KIF5C: variants seen among roughly 807,000 people sequenced by gnomAD.
KIF5C encodes kinesin family member 5C, also known as kinesin heavy chain isoform 5C.
In KIF5C, 18 loss-of-function variants were observed where a neutral mutation model predicts 125.2. That is an observed-to-expected ratio of 0.14 (90% CI 0.10 to 0.21). The LOEUF is 0.21. Among genes scored for constraint, KIF5C ranks in the 10% least tolerant of loss-of-function variants. KIF5C has a pLI of 1.00. For missense variants in KIF5C, 780 were observed against 1,183.8 expected, an observed-to-expected ratio of 0.66 and a Z score of 5.01; for synonymous variants, 405 against 434.0, an observed-to-expected ratio of 0.93 and a Z score of 0.83.
intron 8 of KIF5C, 33 bp from the exon 9 acceptor site, chr2:148,949,806 G>A (rs764497103): frequency 8.1e-6 from 13 of 1,610,412 alleles, no homozygotes; most frequent in Non-Finnish European, 1.1e-5. Flanking sequence ...CTGCCGTCCT[G>A]TGCTGCTCAC....
intron 1 of KIF5C, among the ~76,000 whole-genome samples, chr2:148,900,473 A>G (rs1393082222): frequency 6.6e-6 from 1 of 152,204 alleles, no homozygotes; most frequent in East Asian, 1.9e-4. Context: ...GAGTGCAGAC[A>G]GTCAGCTGAC....
intron 10 of KIF5C, among the ~76,000 whole-genome samples, chr2:148,955,220 G>A (rs924704710): frequency 2.0e-5 from 3 of 152,188 alleles, no homozygotes; most frequent in Non-Finnish European, 2.9e-5. Flanking sequence ...AGAGCAGATT[G>A]GAAGGTTAGT....
intron 10 of KIF5C, among the ~76,000 whole-genome samples, chr2:148,957,272 A>G (rs567921688): frequency 1.3e-5 from 2 of 152,234 alleles, no homozygotes; most frequent in African/African-American, 2.4e-5. Flanking sequence ...ACAGCAGAAC[A>G]CTGTGTAACC....
At chr2:148,906,091 T>C (rs1681095450) in intron 1 of KIF5C, among the ~76,000 whole-genome samples, 2 of 152,042 alleles carry the variant, frequency 1.3e-5, no homozygotes, top group Admixed American at 1.3e-4. Flanking sequence ...TCAGATGGGT[T>C]TACCTAGGAG....
At chr2:148,890,714 A>T (rs1681684246) in intron 1 of KIF5C, among the ~76,000 whole-genome samples, 1 of 152,176 alleles carries the variant, frequency 6.6e-6, no homozygotes, top group East Asian at 1.9e-4. Flanking sequence ...AAATACTCCC[A>T]TGAGACATTT....
At chr2:148,975,765 A>G (rs1187844603) in intron 12 of KIF5C, among the ~76,000 whole-genome samples, 1 of 152,228 alleles carries the variant, frequency 6.6e-6, no homozygotes, top group African/African-American at 2.4e-5. Context: ...ACCTGGGCAG[A>G]CCTGTGACAA....
At chr2:148,883,841 A>G (rs1035764791) in intron 1 of KIF5C, 24 of 152,192 alleles carry the variant, frequency 1.6e-4, no homozygotes, top group African/African-American at 5.8e-4. Flanking sequence ...AGTAGTCCAC[A>G]TACCTCCTTG....
intron 1 of KIF5C, among the ~76,000 whole-genome samples, chr2:148,882,815 C>T (rs997114380): frequency 6.6e-6 from 1 of 152,174 alleles, no homozygotes; most frequent in African/African-American, 2.4e-5. Context: ...TTTGCCCTTC[C>T]CCAGTAGAGC....
rs1197689291 is a variant in KIF5C, at chr2:148,973,361, G to C, written c.1143G>C (p.Gln381His). Reference protein sequence around the residue: ...RNGEAVPEDEQISAKDQKNLE... With the variant: ...RNGEAVPEDEHISAKDQKNLE... Reference sequence around the variant, plus strand: ...GAGAAGCTGTGCCTGAGGATGAACAGATCAGTGCCAAGGACCAGAAGAACC... The same window carrying C: ...GAGAAGCTGTGCCTGAGGATGAACACATCAGTGCCAAGGACCAGAAGAACC... Residue 381 changes from glutamine (Q) to histidine (H), a missense_variant, in exon 12 of 26, where the codon CAG becomes CAC. By Grantham distance (24) the Gln-to-His change is conservative. Around this residue, in one of 2 missense-constraint regions of KIF5C, gnomAD observed 573 missense variants for 742.6 expected, o/e 0.77. Transcript: ENST00000435030. 6 of 1,613,396 alleles carry C rather than the reference G, an allele frequency of 3.7e-6. No homozygotes were observed. Among genetic ancestry groups the C allele is most frequent in the Non-Finnish European group, 4.2e-6 (5 of 1,179,596 alleles).
chr2:148,969,997 T>C (rs1680856680), intron 11 of KIF5C, among the ~76,000 whole-genome samples: 1 of 152,182 alleles, frequency 6.6e-6, no homozygotes, highest in African/African-American at 2.4e-5. Flanking sequence ...TGCGGCTTTG[T>C]TCTTCTCCGT....
rs1042468562 is a variant in KIF5C at position 148,965,933 on chromosome 2, C to T, written c.1117+3814C>T. Among the ~76,000 whole-genome samples the T allele has an allele frequency of 7.9e-5, 12 of 152,130 alleles. No individual in the cohort carries two copies. The East Asian group carries it at 1.5e-3, about 20-fold the overall frequency. On this transcript the variant is annotated intron_variant, in intron 11 of 25. Coordinates refer to ENST00000435030, the MANE Select transcript of KIF5C (RefSeq NM_004522.3). ...TGGAAGCCCTTCCATGGTCTCCCCA[C>T]GTGTCAGTCCTAATTCTTCAGAGCA...
chr2:148,942,783 C>T, intron 7 of KIF5C, 23 bp downstream of exon 7: 1 of 1,597,496 alleles, frequency 6.3e-7, no homozygotes. Context: ...GGGGTGTTTC[C>T]TCCCCTGCAG....
rs773265771 is a variant in KIF5C at position 149,010,343 on chromosome 2, C to T, written c.2759C>T (p.Ala920Val). 1.3e-6 allele frequency: 2 copies of T among 1,580,122 alleles called. No homozygotes were observed. Among genetic ancestry groups the T allele is most frequent in the African/African-American group, 1.3e-5 (1 of 74,162 alleles). The change falls in exon 24 of 26, where the codon GCC becomes GTC. Residue 920 changes from alanine (A) to valine (V), a missense_variant. Coordinates refer to ENST00000435030, the MANE Select transcript of KIF5C (RefSeq NM_004522.3). ...AACATGGCCAGAAGGGCCCATTCAGCCCAGATCGGTACGTGCGTGCACAGT... is the reference window on the plus strand; with the variant it reads ...AACATGGCCAGAAGGGCCCATTCAGTCCAGATCGGTACGTGCGTGCACAGT... Reference protein sequence around the residue: ...AKNMARRAHSAQIAKPIRPGH... With the variant: ...AKNMARRAHSVQIAKPIRPGH...
intron 20 of KIF5C, 95 bp from the exon 21 acceptor site, chr2:149,000,627 T>TGGTG (rs1681819717): frequency 4.4e-6 from 7 of 1,587,850 alleles, no homozygotes; most frequent in Non-Finnish European, 6.0e-6. Context: ...GTGTGCTTGT[T>TGGTG]GGTGGGTTTT....
chr2:148,987,436 T>C (rs1372094825), intron 15 of KIF5C, among the ~76,000 whole-genome samples: 1 of 152,104 alleles, frequency 6.6e-6, no homozygotes, highest in African/African-American at 2.4e-5. Context: ...TGGTTGGTGG[T>C]TGTGTTGAAA....
At chr2:148,937,222 CCTCT>C in intron 3 of KIF5C, 58 bp from the exon 4 acceptor site, 1 of 1,534,568 alleles carries the variant, frequency 6.5e-7, no homozygotes, top group Non-Finnish European at 8.8e-7. Context: ...GATGGTTCTC[CCTCT>C]CTCTCATGTG....
chr2:148,879,822 T>A (rs959101541), intron 1 of KIF5C: 3 of 152,186 alleles, frequency 2.0e-5, no homozygotes, highest in African/African-American at 7.2e-5. Flanking sequence ...TTTGCAGTCC[T>A]GAGAAAGCAG....
intron 4 of KIF5C, among the ~76,000 whole-genome samples, chr2:148,940,864 T>A (rs1682392902): frequency 6.6e-6 from 1 of 152,110 alleles, no homozygotes; most frequent in African/African-American, 2.4e-5. Context: ...TTAAAGCAGG[T>A]CTCAGACATC....
chr2:148,942,873 T>TAA, intron 7 of KIF5C, 113 bp downstream of exon 7: 1 of 1,510,200 alleles, frequency 6.6e-7, no homozygotes, highest in Non-Finnish European at 9.0e-7. Context: ...GGAAGGTGAT[T>TAA]AAAGAGCAGT....
Sources: allele counts gnomAD v4.1 joint callset (sites outside exome capture counted in the v4.1 genomes callset), GRCh38; gene constraint gnomAD v4.1.1; regional missense constraint gnomAD v4.1.1; transcripts MANE v1.5; gene names NCBI Gene and HGNC (gene_info 2026-07-23, HGNC 2026-07-21).